Variants in EIPR1 observed in about 807,000 individuals in gnomAD.
The protein encoded by EIPR1 is EARP and GARP complex-interacting protein 1.
Under a neutral mutation model 48.1 loss-of-function variants are expected in EIPR1, and 25 were observed. The observed-to-expected ratio is 0.52, with a 90% confidence interval of 0.38 to 0.73. The LOEUF (loss-of-function observed/expected upper bound fraction) is 0.73, where lower values mean the gene tolerates loss of function less well. Among genes scored for constraint, EIPR1 ranks in the 30% least tolerant of loss-of-function variants. The probability of loss-of-function intolerance (pLI) is 0.00; values close to 1 mark genes in which losing one functional copy is unlikely to be tolerated. For synonymous variants in EIPR1, 204 were observed against 201.9 expected, an observed-to-expected ratio of 1.01 and a Z score of -0.09; for missense variants, 415 against 506.2, an observed-to-expected ratio of 0.82 and a Z score of 1.73.
Position 3,220,964 on chromosome 2 carries a change from G to A in EIPR1, c.417-6716C>T, listed in dbSNP as rs111435058. On this transcript the variant is annotated intron_variant, in intron 4 of 8. Transcript: ENST00000382125. ...TTTATAGTCAGGTGCACATGCACAC[G>A]ATGACCATGGTACACTCTAGAACAC... Among the ~76,000 whole-genome samples, 41 of 119,504 alleles carry A rather than the reference G, an allele frequency of 3.4e-4. 5 individuals are homozygous for A. Among genetic ancestry groups the A allele is most frequent in the South Asian group, 9.2e-4 (3 of 3,266 alleles). The allele number at this position is 119,504 out of a possible 152,430, so 78.4% of individuals were successfully genotyped here.
intron 3 of EIPR1, among the ~76,000 whole-genome samples, chr2:3,337,450 A>G (rs1372155780): frequency 1.3e-5 from 2 of 152,218 alleles, no homozygotes; most frequent in East Asian, 3.8e-4. Context: ...CAGAATTTAG[A>G]AAGTACTCAT....
At chr2:3,270,001 T>C (rs927166432) in intron 3 of EIPR1, among the ~76,000 whole-genome samples, 8 of 152,164 alleles carry the variant, frequency 5.3e-5, no homozygotes, top group African/African-American at 1.7e-4. Flanking sequence ...TGAAGAAATG[T>C]CTCTGACAAC....
intron 5 of EIPR1, among the ~76,000 whole-genome samples, chr2:3,204,155 A>G (rs1383764282): frequency 1.3e-5 from 2 of 152,244 alleles, no homozygotes; most frequent in African/African-American, 4.8e-5. Flanking sequence ...AGCAGCTCAG[A>G]GGCGGGCTGT....
Position 3,189,136 on chromosome 2 carries a change from G to A in EIPR1, c.*198C>T, listed in dbSNP as rs964241660. On this transcript the variant is annotated 3_prime_UTR_variant, in exon 9 of 9. Coordinates refer to ENST00000382125, the MANE Select transcript of EIPR1 (RefSeq NM_003310.5). The surrounding 1 kb of genome is among the most constrained non-coding windows in gnomAD (Gnocchi z 4.6). The stretch of plus-strand genomic sequence containing the variant: ...GCTCTGTCTCTGCCGACAGGGGCTG[G>A]GTTCGGGCATTAGCTGTGCCGTCGA... 2.2e-5 allele frequency: 10 copies of A among 448,510 alleles called. No homozygotes were observed. The highest frequency in any genetic ancestry group is 4.0e-5 in the Admixed American group (1 of 24,754). 27.8% of individuals were successfully genotyped at this position (448,510 alleles called of 1,614,324 possible).
intron 3 of EIPR1, among the ~76,000 whole-genome samples, chr2:3,336,231 T>G (rs1055747046): frequency 2.0e-5 from 3 of 152,196 alleles, no homozygotes; most frequent in Admixed American, 2.0e-4. Flanking sequence ...TATGCTCTTG[T>G]CTGAGGAAGT....
chr2:3,298,434 G>C (rs1327310801), intron 3 of EIPR1: 3 of 151,968 alleles, frequency 2.0e-5, no homozygotes, highest in Non-Finnish European at 4.4e-5. Context: ...TGCTTCCCCT[G>C]GACCCATCTT....
intron 4 of EIPR1, among the ~76,000 whole-genome samples, chr2:3,238,341 T>G (rs1666482839): frequency 6.6e-6 from 1 of 152,136 alleles, no homozygotes. Context: ...GGGCCTCTCT[T>G]GTCTCCCTCC....
At chr2:3,199,736 A>G (rs1664948779) in intron 5 of EIPR1, among the ~76,000 whole-genome samples, 1 of 139,694 alleles carries the variant, frequency 7.2e-6, no homozygotes, top group East Asian at 2.3e-4. Flanking sequence ...GCATCTGGGC[A>G]CGCATGGGGA....
At chr2:3,320,200 C>A in intron 3 of EIPR1, 1 of 178,116 alleles carries the variant, frequency 5.6e-6, no homozygotes, top group East Asian at 1.9e-4. Context: ...GCAGGCAGGG[C>A]AACACCATAC....
intron 3 of EIPR1, among the ~76,000 whole-genome samples, chr2:3,337,525 C>T (rs902776598): frequency 6.6e-6 from 1 of 152,150 alleles, no homozygotes; most frequent in African/African-American, 2.4e-5. Flanking sequence ...CAGACATCTG[C>T]ATTGACACAA....
At chr2:3,370,547 G>T (rs1267712829) in intron 1 of EIPR1, among the ~76,000 whole-genome samples, 2 of 152,136 alleles carry the variant, frequency 1.3e-5, no homozygotes, top group Non-Finnish European at 2.9e-5. Context: ...GCTTAAAGGA[G>T]CTGATGGAGC....
intron 1 of EIPR1, among the ~76,000 whole-genome samples, chr2:3,361,714 T>A (rs1346586710): frequency 1.4e-4 from 15 of 107,420 alleles, no homozygotes; most frequent in South Asian, 8.4e-4. Flanking sequence ...TTGGACTCCC[T>A]CACACGGGCA....
At chr2:3,328,822 C>T (rs1366986921) in intron 3 of EIPR1, among the ~76,000 whole-genome samples, 4 of 102,638 alleles carry the variant, frequency 3.9e-5, no homozygotes, top group Non-Finnish European at 7.3e-5. Flanking sequence ...CCACCCACCA[C>T]GCTCTAATGA....
At position 3,254,320 on chromosome 2, in the gene EIPR1, AAACT is replaced by A. The variant is rs374234564; in HGVS notation, c.416+2975_416+2978del. On this transcript the variant is annotated intron_variant, in intron 4 of 8. Coordinates refer to ENST00000382125, the MANE Select transcript of EIPR1 (RefSeq NM_003310.5). ...ATCACACGTGCAGCAGCTCCACACA[AAACT>A]AACTGAGCCGAGAGAAATAAAACTT... Among the ~76,000 whole-genome samples the A allele has an allele frequency of 3.3e-3, 505 of 152,300 alleles. 3 individuals are homozygous for A. Among genetic ancestry groups the A allele is most frequent in the Middle Eastern group, 0.017 (5 of 294 alleles).
chr2:3,246,796 G>A (rs1258583494), intron 4 of EIPR1, among the ~76,000 whole-genome samples: 2 of 110,078 alleles, frequency 1.8e-5, no homozygotes, highest in Non-Finnish European at 3.7e-5. Flanking sequence ...ACGGAGGGAG[G>A]GAGGGAGGCA....
At chr2:3,337,043 GA>G (rs1234663405) in intron 3 of EIPR1, among the ~76,000 whole-genome samples, 1 of 83,400 alleles carries the variant, frequency 1.2e-5, no homozygotes, top group East Asian at 3.5e-4. Flanking sequence ...AAAGAAAAGA[GA>G]AGGGAAAAGG....
chr2:3,197,105 T>C, intron 5 of EIPR1, 88 bp from the exon 6 acceptor site: 1 of 1,385,128 alleles, frequency 7.2e-7, no homozygotes, highest in South Asian at 1.3e-5. Context: ...TATCGTATAC[T>C]CAAGGATATT....
At chr2:3,307,702 G>C (rs1454749393) in intron 3 of EIPR1, among the ~76,000 whole-genome samples, 1 of 152,268 alleles carries the variant, frequency 6.6e-6, no homozygotes, top group Non-Finnish European at 1.5e-5. Context: ...GAAAAGAAGT[G>C]AGGCAGGGAT....
chr2:3,325,919 G>T (rs1325680163), intron 3 of EIPR1, among the ~76,000 whole-genome samples: 4 of 152,240 alleles, frequency 2.6e-5, no homozygotes, highest in African/African-American at 9.6e-5. Context: ...TGCTTAAGAA[G>T]CTCCCATCAT....
Sources: allele counts gnomAD v4.1 joint callset (sites outside exome capture counted in the v4.1 genomes callset), GRCh38; gene constraint gnomAD v4.1.1; non-coding constraint Gnocchi (gnomAD v3.1); transcripts MANE v1.5; gene names NCBI Gene and HGNC (gene_info 2026-07-23, HGNC 2026-07-21).